The following RGS6 variants were observed in gnomAD, a reference collection of about 807,000 sequenced individuals.
The protein encoded by RGS6 is regulator of G protein signaling 6, also known as regulator of G-protein signaling 6.
A neutral mutation model predicts 78.5 loss-of-function variants in RGS6; 30 were observed. The observed-to-expected ratio is 0.38, with a 90% confidence interval of 0.29 to 0.52. RGS6 has a LOEUF of 0.52. Ranked by LOEUF, RGS6 falls within the 20% of genes least tolerant of loss-of-function variation. The probability of loss-of-function intolerance (pLI) is 0.85; values close to 1 mark genes in which losing one functional copy is unlikely to be tolerated. For synonymous variants in RGS6, 206 were observed against 206.0 expected (o/e 1.00, Z 0.00); for missense variants, 495 against 609.7 (o/e 0.81, Z 1.98).
intron 1 of RGS6, among the ~76,000 whole-genome samples, chr14:71,955,955 T>A (rs983041569): frequency 2.0e-5 from 3 of 152,256 alleles, no homozygotes; most frequent in African/African-American, 7.2e-5. Flanking sequence ...TGTCTGAAGA[T>A]GAGGGACTTG....
At chr14:72,286,483 G>C (rs1205917098) in intron 2 of RGS6, among the ~76,000 whole-genome samples, 1 of 151,366 alleles carries the variant, frequency 6.6e-6, no homozygotes, top group Non-Finnish European at 1.5e-5. Flanking sequence ...GATTGCTTTG[G>C]CTTTTTGGGG....
chr14:72,090,896 A>G (rs957415288), intron 2 of RGS6, among the ~76,000 whole-genome samples: 1 of 152,112 alleles, frequency 6.6e-6, no homozygotes, highest in Non-Finnish European at 1.5e-5. Context: ...CCTCCCCAGT[A>G]GCTCTCATTT....
chr14:72,047,892 ATTTTTGTTTT>A (rs1277496015), intron 2 of RGS6, among the ~76,000 whole-genome samples: 1 of 83,448 alleles, frequency 1.2e-5, no homozygotes, highest in Non-Finnish European at 2.2e-5. Context: ...TGCCCAGCTA[ATTTTTGTTTT>A]TTTTTTTTTT....
chr14:72,348,460 A>C lies in RGS6; in HGVS notation c.85-3635A>C, dbSNP rs79772864. Among the ~76,000 whole-genome samples, 3 of 152,342 alleles carry C rather than the reference A, an allele frequency of 2.0e-5. No individual in the cohort carries two copies. In the East Asian group the frequency reaches 5.8e-4, roughly 29 times the overall value. On this transcript the variant is annotated intron_variant, in intron 2 of 17. Transcript: ENST00000553525. ...TCTGAAAATACTTATAATGATTTTGATCAGTTCCTGAGAGCCCACTTGTAA... is the reference window on the plus strand; with the variant it reads ...TCTGAAAATACTTATAATGATTTTGCTCAGTTCCTGAGAGCCCACTTGTAA...
In RGS6 at chr14:72,518,384, A is replaced by G. The variant is rs1256993645; in HGVS notation, c.1125A>G (p.Gln375=). 1.9e-6 allele frequency: 3 copies of G among 1,613,942 alleles called. No individual in the cohort carries two copies. Among genetic ancestry groups the G allele is most frequent in the African/African-American group, 1.3e-5 (1 of 74,910 alleles). The change falls in exon 15 of 18, where the codon CAA becomes CAG. Residue 375 remains glutamine (Q), a synonymous_variant. Transcript: ENST00000553525. ...TGGCTGTCCAAGATCTTAAGAAACA[A>G]CCCCTACAGGATGTGGCCAAGAGGG... The part of the protein sequence containing the change: ...FWLAVQDLKK[Q]PLQDVAKRVE...
chr14:72,524,193 G>C (rs1291902038), intron 15 of RGS6, among the ~76,000 whole-genome samples: 1 of 152,112 alleles, frequency 6.6e-6, no homozygotes, highest in Non-Finnish European at 1.5e-5. Flanking sequence ...CCTTAGATGG[G>C]AAAAAATGCC....
intron 3 of RGS6, among the ~76,000 whole-genome samples, chr14:72,389,156 G>A (rs563768918): frequency 5.9e-5 from 9 of 152,262 alleles, no homozygotes; most frequent in African/African-American, 2.2e-4. Flanking sequence ...GTGCAGGGAG[G>A]TGTATGACTT....
intron 6 of RGS6, among the ~76,000 whole-genome samples, chr14:72,465,263 G>A (rs542156749): frequency 6.6e-6 from 1 of 152,300 alleles, no homozygotes; most frequent in South Asian, 2.1e-4. Flanking sequence ...ACTCCAGGCA[G>A]AGCTTTTAGG....
chr14:71,965,767 G>A (rs2093472513), intron 2 of RGS6, among the ~76,000 whole-genome samples: 1 of 152,070 alleles, frequency 6.6e-6, no homozygotes, highest in East Asian at 1.9e-4. Context: ...CTAGGAGAGA[G>A]ATTTCTGTGT....
downstream of RGS6, among the ~76,000 whole-genome samples, chr14:72,570,292 A>G (rs1040271058): frequency 1.3e-5 from 2 of 152,228 alleles, no homozygotes; most frequent in Non-Finnish European, 2.9e-5. Context: ...CCATTTTATA[A>G]AAGGGACTTG....
At chr14:72,018,369 T>G (rs1176631292) in intron 2 of RGS6, among the ~76,000 whole-genome samples, 1 of 152,228 alleles carries the variant, frequency 6.6e-6, no homozygotes, top group African/African-American at 2.4e-5. Context: ...CTTTTATAAC[T>G]TGTGATCTCA....
chr14:72,600,013 G>A, the RGS6 span, among the ~76,000 whole-genome samples: 5 of 152,078 alleles, frequency 3.3e-5, no homozygotes, highest in African/African-American at 9.7e-5. Context: ...CTGCCCCTCC[G>A]GTGGGCCCTG....
chr14:72,245,745 C>T (rs944881855), intron 2 of RGS6, among the ~76,000 whole-genome samples: 2 of 152,136 alleles, frequency 1.3e-5, no homozygotes, highest in African/African-American at 2.4e-5. Flanking sequence ...GGGGCTTGCT[C>T]CCAACAGACT....
chr14:72,297,555 C>T lies in RGS6; in HGVS notation c.85-54540C>T, dbSNP rs979219487. Among the ~76,000 whole-genome samples the T allele has an allele frequency of 2.8e-5, 4 of 144,356 alleles. 1 individual carries two copies. The allele number at this position is 144,356 out of a possible 152,430, so 94.7% of individuals were successfully genotyped here. A position where few individuals can be genotyped will look rare whatever the true frequency, so the allele number is the denominator to read the frequency against. On this transcript the variant is annotated intron_variant, in intron 2 of 17. Coordinates refer to ENST00000553525, the MANE Select transcript of RGS6 (RefSeq NM_001204424.2). ...CGTCATCTAGCCTTAGGTATATCTCCCAATGCTATCCCTCCCCCCTCCCCC... is the reference window on the plus strand; with the variant it reads ...CGTCATCTAGCCTTAGGTATATCTCTCAATGCTATCCCTCCCCCCTCCCCC...
At chr14:72,058,080 T>G (rs1327880246) in intron 2 of RGS6, among the ~76,000 whole-genome samples, 1 of 152,016 alleles carries the variant, frequency 6.6e-6, no homozygotes, top group Non-Finnish European at 1.5e-5. Context: ...GAGGTGTTTT[T>G]TTTTTTTTTT....
chr14:71,918,873 T>C, the RGS6 span, among the ~76,000 whole-genome samples: 1 of 152,186 alleles, frequency 6.6e-6, no homozygotes, highest in Non-Finnish European at 1.5e-5. Context: ...AAGATATACA[T>C]TAAAAAGAAA....
chr14:72,342,573 A>G (rs542778455), intron 2 of RGS6, among the ~76,000 whole-genome samples: 1 of 150,564 alleles, frequency 6.6e-6, no homozygotes, highest in Admixed American at 6.6e-5. Flanking sequence ...CTTAAAAAAA[A>G]AAAAAAACTA....
intron 3 of RGS6, among the ~76,000 whole-genome samples, chr14:72,378,634 G>A (rs937000258): frequency 6.6e-6 from 1 of 151,944 alleles, no homozygotes; most frequent in Non-Finnish European, 1.5e-5. Context: ...TATCAAGATT[G>A]AACCAAGAAG....
At chr14:71,868,098 T>C in the RGS6 span, among the ~76,000 whole-genome samples, 19 of 152,176 alleles carry the variant, frequency 1.2e-4, no homozygotes, top group African/African-American at 4.6e-4. Context: ...GCCAGTGCTA[T>C]CTTCCTGCTC....
Sources: allele counts gnomAD v4.1 joint callset (sites outside exome capture counted in the v4.1 genomes callset), GRCh38; gene constraint gnomAD v4.1.1; transcripts MANE v1.5; gene names NCBI Gene and HGNC (gene_info 2026-07-23, HGNC 2026-07-21).